Variants in BCL2 observed in about 807,000 individuals in gnomAD.
BCL2 encodes BCL2 apoptosis regulator.
Under a neutral mutation model 14.2 loss-of-function variants are expected in BCL2, and 1 was observed. The observed-to-expected ratio is 0.07, with a 90% CI of 0.02 to 0.33. The LOEUF is 0.33. BCL2 is among the 10% of genes least tolerant of loss of function. The pLI is 0.99. For missense variants in BCL2, 247 were observed against 305.9 expected (o/e 0.81, Z 1.44); for synonymous variants, 151 against 137.2 (o/e 1.10, Z -0.70).
At chr18:63,281,631 CA>C (rs1055574687) in intron 2 of BCL2, among the ~76,000 whole-genome samples, 1 of 144,482 alleles carries the variant, frequency 6.9e-6, no homozygotes. Context: ...CATGCCACTG[CA>C]CTTCACTCTG....
intron 2 of BCL2, among the ~76,000 whole-genome samples, chr18:63,129,411 C>T (rs951320745): frequency 6.6e-6 from 1 of 151,944 alleles, no homozygotes; most frequent in African/African-American, 2.4e-5. Flanking sequence ...CCTGCCTCCG[C>T]CTCCTGAGTA....
Position 63,225,872 on chromosome 18 carries a change from C to T in BCL2, c.585+92210G>A, listed in dbSNP as rs564166380. Among the ~76,000 whole-genome samples, 37 of 152,336 alleles carry T rather than the reference C, an allele frequency of 2.4e-4. No individual in the cohort carries two copies. The South Asian group carries it at 7.7e-3, about 32-fold the overall frequency. ...AGGACAGGTTACAGTACTCTTTTAG[C>T]TCTGCCATCCATGGACGCCTTAAGT... On this transcript the variant is annotated intron_variant, in intron 2 of 2. Coordinates refer to ENST00000333681, the MANE Select transcript of BCL2 (RefSeq NM_000633.3).
chr18:63,283,739 T>C (rs1912383448), intron 2 of BCL2, among the ~76,000 whole-genome samples: 1 of 152,136 alleles, frequency 6.6e-6, no homozygotes, highest in African/African-American at 2.4e-5. Flanking sequence ...TTTCCAGCGA[T>C]CCCGGAATTT....
chr18:63,292,932 G>A (rs573004749), intron 2 of BCL2, among the ~76,000 whole-genome samples: 299 of 152,362 alleles, frequency 2.0e-3, no homozygotes, highest in Non-Finnish European at 3.5e-3. Context: ...TGCAGGTGAT[G>A]AGTAATAATA....
At chr18:63,203,747 T>G (rs1909763525) in intron 2 of BCL2, among the ~76,000 whole-genome samples, 1 of 152,194 alleles carries the variant, frequency 6.6e-6, no homozygotes, top group African/African-American at 2.4e-5. Context: ...CTCATAGAAT[T>G]GTTCTGAGAA....
intron 2 of BCL2, among the ~76,000 whole-genome samples, chr18:63,282,033 A>G (rs924220745): frequency 2.6e-5 from 4 of 152,268 alleles, no homozygotes; most frequent in Admixed American, 2.6e-4. Context: ...ATATTAGTCC[A>G]TAGTAGGAGC....
chr18:63,264,472 C>A (rs1260339186), intron 2 of BCL2, among the ~76,000 whole-genome samples: 1 of 152,082 alleles, frequency 6.6e-6, no homozygotes, highest in Non-Finnish European at 1.5e-5. Context: ...TTTCAAGGGG[C>A]CTTTGTTAAA....
chr18:63,254,554 TAA>T (rs1163112806), intron 2 of BCL2, among the ~76,000 whole-genome samples: 2 of 146,100 alleles, frequency 1.4e-5, no homozygotes, highest in African/African-American at 2.5e-5. Context: ...GACCCTGCCT[TAA>T]AAAAAAAAAA....
rs1178010799 is a variant in BCL2 at position 63,127,070 on chromosome 18, C to T, written c.*1555G>A. 1 of 228,402 alleles carries T rather than the reference C, an allele frequency of 4.4e-6. No homozygotes were observed. The allele number at this position is 228,402 out of a possible 1,614,324, so 14.1% of individuals were successfully genotyped here. ...AATGCCCCAGGATGTACAGATAACC[C>T]CCATATTCCACACCTGGAACTTTTT... On this transcript the variant is annotated 3_prime_UTR_variant, in exon 3 of 3. Transcript: ENST00000333681.
intron 2 of BCL2, among the ~76,000 whole-genome samples, chr18:63,258,338 A>G (rs1183682406): frequency 6.6e-6 from 1 of 152,230 alleles, no homozygotes; most frequent in Non-Finnish European, 1.5e-5. Flanking sequence ...TGGTACTACC[A>G]TATATTATTT....
In BCL2 at chr18:63,125,553, G is replaced by A. The variant is rs1913890098; in HGVS notation, c.*3072C>T. The A allele has an allele frequency of 4.6e-6, 1 of 215,080 alleles. No individual in the cohort carries two copies. Among genetic ancestry groups the A allele is most frequent in the African/African-American group, 2.3e-5 (1 of 44,340 alleles). The allele number at this position is 215,080 out of a possible 1,614,324, so 13.3% of individuals were successfully genotyped here. On this transcript the variant is annotated 3_prime_UTR_variant, in exon 3 of 3. Coordinates refer to ENST00000333681, the MANE Select transcript of BCL2 (RefSeq NM_000633.3). ...CTCTGACCCTGGCCAGTGTAAAGAG[G>A]AGTACATACAGAGGACTGTTTTTTC...
chr18:63,285,245 C>A (rs4987730), intron 2 of BCL2, among the ~76,000 whole-genome samples: 3,842 of 152,304 alleles, frequency 0.025, 55 homozygotes, highest in Admixed American at 0.038. Flanking sequence ...GTACTCAGCT[C>A]CCCTGGCAGG....
Position 63,149,341 on chromosome 18 carries a change from C to T in BCL2, c.586-20582G>A, listed in dbSNP as rs749792519. Among the ~76,000 whole-genome samples the T allele has an allele frequency of 6.6e-5, 10 of 152,204 alleles. No homozygotes were observed. Among genetic ancestry groups the T allele is most frequent in the African/African-American group, 9.6e-5 (4 of 41,452 alleles). ...TTGCACTCCTAGGAAAACCTAATGTCGCCACTGATCTGACAGGAGCCGGAG... is the reference window on the plus strand; with the variant it reads ...TTGCACTCCTAGGAAAACCTAATGTTGCCACTGATCTGACAGGAGCCGGAG... On this transcript the variant is annotated intron_variant, in intron 2 of 2. Coordinates refer to ENST00000333681, the MANE Select transcript of BCL2 (RefSeq NM_000633.3). This position sits in a 1 kb window ranked among gnomAD's most constrained non-coding sequence, Gnocchi z 4.2.
intron 2 of BCL2, among the ~76,000 whole-genome samples, chr18:63,141,265 G>A (rs557294506): frequency 3.3e-5 from 5 of 152,298 alleles, no homozygotes; most frequent in South Asian, 2.1e-4. Flanking sequence ...CTGTTGGTGC[G>A]TGCCAGAGCT....
intron 2 of BCL2, among the ~76,000 whole-genome samples, chr18:63,169,365 C>CTTTA (rs1568222661): frequency 7.6e-5 from 4 of 52,528 alleles, no homozygotes; most frequent in Non-Finnish European, 1.4e-4. Context: ...TTCTTTCTTT[C>CTTTA]TTTCTCTTTC....
intron 2 of BCL2, among the ~76,000 whole-genome samples, chr18:63,163,307 AC>A (rs1172268775): frequency 6.6e-6 from 1 of 151,876 alleles, no homozygotes; most frequent in Non-Finnish European, 1.5e-5. Context: ...CATCTCCTAA[AC>A]TTCTCCAATA....
intron 2 of BCL2, among the ~76,000 whole-genome samples, chr18:63,236,946 T>TTTTCC (rs2144185801): frequency 6.6e-6 from 1 of 152,288 alleles, no homozygotes; most frequent in Admixed American, 6.5e-5. Flanking sequence ...TTTTCAGGAT[T>TTTTCC]TTTTCTTTTC....
At position 63,123,861 on chromosome 18, in the gene BCL2, A is replaced by G. The variant is rs551977130; in HGVS notation, c.*4764T>C. 4.6e-6 allele frequency: 1 copy of G among 218,956 alleles called. No individual in the cohort carries two copies. Among genetic ancestry groups the G allele is most frequent in the Non-Finnish European group, 9.2e-6 (1 of 108,924 alleles). 13.6% of individuals were successfully genotyped at this position (218,956 alleles called of 1,614,324 possible). A position where few individuals can be genotyped will look rare whatever the true frequency, so the allele number is the denominator to read the frequency against. On this transcript the variant is annotated 3_prime_UTR_variant, in exon 3 of 3. Transcript: ENST00000333681. ...CCACGGCAGATTTTCCAAAAGGTTTAGGTGCATGGATTTACTCAGTATCTA... is the reference window on the plus strand; with the variant it reads ...CCACGGCAGATTTTCCAAAAGGTTTGGGTGCATGGATTTACTCAGTATCTA...
In BCL2 at chr18:63,215,673, G is replaced by A. The variant is rs1910179535; in HGVS notation, c.586-86914C>T. On this transcript the variant is annotated intron_variant, in intron 2 of 2. Coordinates refer to ENST00000333681, the MANE Select transcript of BCL2 (RefSeq NM_000633.3). ...AATGAGAGGAAAAAAGTAAATAAGTGAAAAATGAAAGCAAGTGTCCATGAT... is the reference window on the plus strand; with the variant it reads ...AATGAGAGGAAAAAAGTAAATAAGTAAAAAATGAAAGCAAGTGTCCATGAT... 1.3e-5 allele frequency among the ~76,000 whole-genome samples: 2 copies of A among 152,050 alleles called. 1 individual carries two copies. The highest frequency in any genetic ancestry group is 4.1e-4 in the South Asian group (2 of 4,830).
Sources: allele counts gnomAD v4.1 joint callset (sites outside exome capture counted in the v4.1 genomes callset), GRCh38; gene constraint gnomAD v4.1.1; non-coding constraint Gnocchi (gnomAD v3.1); transcripts MANE v1.5; gene names NCBI Gene and HGNC (gene_info 2026-07-23, HGNC 2026-07-21).